The following PREX2 variants were observed in gnomAD, a reference collection of about 807,000 sequenced individuals.
The protein encoded by PREX2 is phosphatidylinositol-3,4,5-trisphosphate dependent Rac exchange factor 2.
A neutral mutation model predicts 203.2 loss-of-function variants in PREX2; 107 were observed. The observed-to-expected ratio is 0.53, with a 90% CI of 0.45 to 0.62. The LOEUF (loss-of-function observed/expected upper bound fraction) is 0.62. PREX2 is among the 20% of genes least tolerant of loss of function. The probability of loss-of-function intolerance (pLI) is 0.00; values close to 1 mark genes in which losing one functional copy is unlikely to be tolerated. For missense variants in PREX2, 1,777 were observed against 1,955.9 expected, an observed-to-expected ratio of 0.91 and a Z score of 1.72; for synonymous variants, 672 against 663.6, an observed-to-expected ratio of 1.01 and a Z score of -0.19.
intron 33 of PREX2, among the ~76,000 whole-genome samples, chr8:68,141,114 G>T (rs1811221125): frequency 6.6e-6 from 1 of 152,142 alleles, no homozygotes; most frequent in Admixed American, 6.5e-5. Context: ...TGGGCAATTT[G>T]ACCACTTCGT....
intron 23 of PREX2, chr8:68,106,126 GAATGGATGGAT>G: frequency 3.0e-6 from 1 of 329,402 alleles, no homozygotes; most frequent in South Asian, 2.4e-5. Context: ...TCTTGCTTTT[GAATGGATGGAT>G]AATTGTTTAA....
chr8:68,176,731 T>G (rs369149403), intron 35 of PREX2: 86 of 152,256 alleles, frequency 5.6e-4, no homozygotes, highest in African/African-American at 2.0e-3. Flanking sequence ...CGTGAGTTTT[T>G]CGGCAGAGCA....
chr8:68,218,193 C>T (rs1017805157), intron 38 of PREX2, among the ~76,000 whole-genome samples: 2 of 152,102 alleles, frequency 1.3e-5, no homozygotes, highest in African/African-American at 4.8e-5. Flanking sequence ...AAAGCACTTA[C>T]CTCAAATTTT....
At chr8:68,051,958 T>G in intron 8 of PREX2, among the ~76,000 whole-genome samples, 1 of 152,168 alleles carries the variant, frequency 6.6e-6, no homozygotes, top group Non-Finnish European at 1.5e-5. Context: ...TTTGTGGTAT[T>G]ATTAGTCTGA....
chr8:67,975,516 T>G (rs1806052080), intron 1 of PREX2, among the ~76,000 whole-genome samples: 1 of 151,832 alleles, frequency 6.6e-6, no homozygotes, highest in South Asian at 2.1e-4. Flanking sequence ...TTTCCAAGTA[T>G]GTAGTAATAT....
At chr8:68,188,667 C>T (rs891049374) in intron 35 of PREX2, among the ~76,000 whole-genome samples, 2 of 152,158 alleles carry the variant, frequency 1.3e-5, no homozygotes, top group African/African-American at 4.8e-5. Flanking sequence ...TGGAGGCAGG[C>T]AAGAGAGCTT....
chr8:68,116,975 T>A (rs1441273381), intron 26 of PREX2, among the ~76,000 whole-genome samples: 1 of 152,226 alleles, frequency 6.6e-6, no homozygotes, highest in East Asian at 1.9e-4. Context: ...CTGAGGACTG[T>A]CATAACCAGC....
chr8:68,107,745 A>G (rs1040041054), intron 23 of PREX2, among the ~76,000 whole-genome samples: 2 of 152,090 alleles, frequency 1.3e-5, no homozygotes, highest in African/African-American at 4.8e-5. Context: ...GAAGATCTCC[A>G]TTCTCTCCTG....
intron 20 of PREX2, 75 bp downstream of exon 20, chr8:68,090,790 G>A (rs999333945): frequency 2.3e-6 from 3 of 1,282,448 alleles, no homozygotes; most frequent in Non-Finnish European, 3.2e-6. Flanking sequence ...GTGGGATAGT[G>A]CCAGAGATAT....
chr8:67,980,898 C>T (rs932382672), intron 1 of PREX2, among the ~76,000 whole-genome samples: 10 of 152,200 alleles, frequency 6.6e-5, no homozygotes, highest in Non-Finnish European at 4.4e-5. Context: ...TTTTAAATTA[C>T]TCAGTCTTGG....
intron 17 of PREX2, 79 bp downstream of exon 17, chr8:68,080,917 C>A: frequency 3.6e-6 from 3 of 827,076 alleles, no homozygotes; most frequent in Non-Finnish European, 6.1e-6. Context: ...CTGAAATCTG[C>A]CTTTAAAGAT....
chr8:68,097,092 T>A lies in PREX2; in HGVS notation c.2444T>A (p.Val815Asp). 3 of 1,614,016 alleles carry A rather than the reference T, an allele frequency of 1.9e-6. No individual in the cohort carries two copies. The highest frequency in any genetic ancestry group is 2.5e-6 in the Non-Finnish European group (3 of 1,179,932). ...CATGTGAGTCTGACAGTGGACAATGTCCACCTGGAATATGGTGTCGTGTAT... is the reference window on the plus strand; with the variant it reads ...CATGTGAGTCTGACAGTGGACAATGACCACCTGGAATATGGTGTCGTGTAT... ...KEHVSLTVDN[V>D]HLEYGVVYEY... Residue 815 changes from valine (V) to aspartate (D), a missense_variant, in exon 22 of 40, where the codon GTC becomes GAC. Physicochemically the swap from Val to Asp is radical, Grantham distance 152. Coordinates refer to ENST00000288368, the MANE Select transcript of PREX2 (RefSeq NM_024870.4).
chr8:68,173,158 A>G (rs549636082), intron 35 of PREX2, among the ~76,000 whole-genome samples: 1 of 152,296 alleles, frequency 6.6e-6, no homozygotes, highest in East Asian at 1.9e-4. Flanking sequence ...GTTGAATTGA[A>G]TTGGAAACCA....
At chr8:68,093,416 GAA>G (rs1385739938) in intron 20 of PREX2, among the ~76,000 whole-genome samples, 187 bp from the exon 21 acceptor site, 3 of 141,576 alleles carry the variant, frequency 2.1e-5, no homozygotes, top group East Asian at 2.1e-4. Context: ...AAAAAAGAAA[GAA>G]AGAGTGTTTG....
chr8:68,135,099 T>TGTGTGTGTGTGTGTGTGTGTG (rs58263470), intron 32 of PREX2, among the ~76,000 whole-genome samples: 4,566 of 148,724 alleles, frequency 0.031, 91 homozygotes, highest in East Asian at 0.042. Context: ...AAAACAAATT[T>TGTGTGTGTGTGTGTGTGTGTG]TGTGTGTGTG....
intron 7 of PREX2, among the ~76,000 whole-genome samples, chr8:68,042,286 A>G (rs1808222248): frequency 6.6e-6 from 1 of 152,086 alleles, no homozygotes; most frequent in Non-Finnish European, 1.5e-5. Flanking sequence ...TGCTCTGGAT[A>G]TTTCTAATAT....
At chr8:68,001,803 G>A (rs1806944229) in intron 1 of PREX2, among the ~76,000 whole-genome samples, 1 of 152,168 alleles carries the variant, frequency 6.6e-6, no homozygotes, top group African/African-American at 2.4e-5. Flanking sequence ...AACATAGATA[G>A]AGCTGAAGGC....
chr8:68,068,775 A>C (rs1399186282), intron 11 of PREX2, among the ~76,000 whole-genome samples: 2 of 152,080 alleles, frequency 1.3e-5, no homozygotes, highest in Non-Finnish European at 2.9e-5. Flanking sequence ...AAATACATAT[A>C]TTATGCTAGC....
In PREX2 at chr8:68,115,911, T is replaced by C. The variant is rs1347680913; in HGVS notation, c.3305T>C (p.Ile1102Thr). 2 of 1,611,892 alleles carry C rather than the reference T, an allele frequency of 1.2e-6. No individual in the cohort carries two copies. Among genetic ancestry groups the C allele is most frequent in the Non-Finnish European group, 1.7e-6 (2 of 1,179,336 alleles). ...DEQEDSGHDTISNRDSYSDCN... is the reference protein window; with the variant it reads ...DEQEDSGHDTTSNRDSYSDCN... The stretch of plus-strand genomic sequence containing the variant: ...CAGGAAGATTCTGGTCATGACACCA[T>C]CAGCAACAGAGACTCTTACAGGTAA... The change falls in exon 26 of 40, where the codon ATC (isoleucine) becomes ACC (threonine). Residue 1102 changes from isoleucine to threonine, a missense_variant. Physicochemically the swap from Ile to Thr is moderately conservative, Grantham distance 89. Transcript: ENST00000288368.
Sources: gnomAD v4.1 joint callset for allele counts (sites outside exome capture counted in the v4.1 genomes callset) on GRCh38, gnomAD v4.1.1 for gene constraint, MANE v1.5 for transcripts, NCBI Gene and HGNC (gene_info 2026-07-23, HGNC 2026-07-21) for gene names.